The following ZNF578 variants were observed in gnomAD, a reference collection of about 807,000 sequenced individuals.
ZNF578 encodes the protein zinc finger protein 578.
Under a neutral mutation model 8.3 loss-of-function variants are expected in ZNF578, and 8 were observed. That is an observed-to-expected ratio of 0.96 (90% CI 0.56 to 1.74). The LOEUF (loss-of-function observed/expected upper bound fraction) is 1.74, where lower values mean the gene tolerates loss of function less well. Ranked by LOEUF, ZNF578 falls within the 40% of genes most tolerant of loss-of-function variation. The pLI is 0.00. For synonymous variants in ZNF578, 206 were observed against 232.2 expected (o/e 0.89, Z 1.03); for missense variants, 726 against 707.5 (o/e 1.03, Z -0.30).
chr19:52,503,583 A>T (rs1417977117), intron 4 of ZNF578, among the ~76,000 whole-genome samples: 2 of 152,052 alleles, frequency 1.3e-5, no homozygotes, highest in Non-Finnish European at 2.9e-5. Flanking sequence ...TGACCTCGTG[A>T]TCCACTCACC....
At position 52,470,719 on chromosome 19, in the gene ZNF578, C is replaced by T. The variant is rs567918291; in HGVS notation, c.-122+13761C>T. On this transcript the variant is annotated intron_variant, in intron 2 of 5. Transcript: ENST00000421239. ...TCTTTCTATGCTGGACGCTTGCTTA[C>T]ACTCCTCCTGCCCTTGGAAATCAGA... Among the ~76,000 whole-genome samples the T allele has an allele frequency of 2.0e-5, 3 of 152,296 alleles. No individual in the cohort carries two copies. The East Asian group carries it at 5.8e-4, about 29-fold the overall frequency.
chr19:52,511,437 C>G lies in ZNF578; in HGVS notation c.1056C>G (p.Phe352Leu). The G allele has an allele frequency of 6.2e-7, 1 of 1,613,976 alleles. No individual in the cohort carries two copies. The highest frequency in any genetic ancestry group is 1.1e-5 in the South Asian group (1 of 91,052). Reference sequence around the variant, plus strand: ...AGTGTAATGAATGTGGAAAGTCCTTCAGTTACAAGTCATCCCTTAGATGCC... The same window carrying G: ...AGTGTAATGAATGTGGAAAGTCCTTGAGTTACAAGTCATCCCTTAGATGCC... The part of the protein sequence containing the change: ...PYKCNECGKS[F>L]SYKSSLRCHR... The change falls in exon 6 of 6, where the codon TTC (phenylalanine) becomes TTG (leucine). Residue 352 changes from phenylalanine to leucine, a missense_variant. Physicochemically the swap from Phe to Leu is conservative, Grantham distance 22. Transcript: ENST00000421239.
intron 3 of ZNF578, among the ~76,000 whole-genome samples, chr19:52,494,806 T>G (rs1223263407): frequency 6.6e-6 from 1 of 152,066 alleles, no homozygotes; most frequent in African/African-American, 2.4e-5. Flanking sequence ...AAAAAATCAC[T>G]TTCTGTTATT....
intron 2 of ZNF578, among the ~76,000 whole-genome samples, chr19:52,472,321 A>C (rs1434066524): frequency 6.6e-6 from 1 of 152,200 alleles, no homozygotes; most frequent in Non-Finnish European, 1.5e-5. Flanking sequence ...AGAAAATTTA[A>C]ACTTTATTAC....
rs764769511 is a variant in ZNF578, at chr19:52,512,017, A to C, written c.1636A>C (p.Lys546Gln). 1.3e-5 allele frequency: 21 copies of C among 1,614,030 alleles called. No homozygotes were observed. Among genetic ancestry groups the C allele is most frequent in the Non-Finnish European group, 1.8e-5 (21 of 1,180,024 alleles). Residue 546 changes from lysine to glutamine, a missense_variant, in exon 6 of 6, where the codon AAG (lysine) becomes CAG (glutamine). Transcript: ENST00000421239. ...EKPYKCKVCDKAFMCHSYLAN... is the reference protein window; with the variant it reads ...EKPYKCKVCDQAFMCHSYLAN... ...ACCTTACAAATGTAAGGTTTGTGAC[A>C]AGGCTTTCATGTGCCATTCTTATCT...
rs1403487194 is a variant in ZNF578 at position 52,512,270 on chromosome 19, A to G, written c.*116A>G. 1 of 1,594,632 alleles carries G rather than the reference A, an allele frequency of 6.3e-7. No individual in the cohort carries two copies. Among genetic ancestry groups the G allele is most frequent in the Non-Finnish European group, 8.6e-7 (1 of 1,162,626 alleles). On this transcript the variant is annotated 3_prime_UTR_variant, in exon 6 of 6. Coordinates refer to ENST00000421239, the MANE Select transcript of ZNF578 (RefSeq NM_001099694.2). ...TACTGGAGAGAAACCTTACAAGTGT[A>G]ATGAGTGTGGCAAAGCCTTTAGTGA...
At chr19:52,508,687 G>C (rs1296202433) in intron 5 of ZNF578, among the ~76,000 whole-genome samples, 1 of 150,418 alleles carries the variant, frequency 6.6e-6, no homozygotes. Flanking sequence ...CCCAGCTACT[G>C]AGGAGGCTGA....
intron 2 of ZNF578, among the ~76,000 whole-genome samples, chr19:52,485,730 A>G (rs1458687014): frequency 6.6e-6 from 1 of 152,218 alleles, no homozygotes; most frequent in Admixed American, 6.5e-5. Context: ...ATTTAGGGCT[A>G]TGCAGGTTGT....
At chr19:52,477,011 A>G (rs2059310219) in intron 2 of ZNF578, among the ~76,000 whole-genome samples, 1 of 152,220 alleles carries the variant, frequency 6.6e-6, no homozygotes, top group Non-Finnish European at 1.5e-5. Flanking sequence ...GCAACAATTG[A>G]GCAATATATT....
chr19:52,493,125 T>C (rs1343885150), intron 3 of ZNF578, among the ~76,000 whole-genome samples: 1 of 152,122 alleles, frequency 6.6e-6, no homozygotes. Flanking sequence ...AAAACCTTTT[T>C]CTGACTCTCC....
intron 2 of ZNF578, among the ~76,000 whole-genome samples, chr19:52,462,920 C>T (rs2059263295): frequency 6.6e-6 from 1 of 152,152 alleles, no homozygotes; most frequent in Admixed American, 6.5e-5. Context: ...AAAGTCCTTC[C>T]ACCACACAGG....
chr19:52,489,185 C>T (rs2059356497), intron 2 of ZNF578, among the ~76,000 whole-genome samples: 1 of 91,218 alleles, frequency 1.1e-5, no homozygotes, highest in Non-Finnish European at 2.7e-5. Context: ...AGGAGAATCT[C>T]TTTAGGCAGG....
chr19:52,487,310 C>T (rs2059349115), intron 2 of ZNF578, among the ~76,000 whole-genome samples: 1 of 152,164 alleles, frequency 6.6e-6, no homozygotes, highest in Non-Finnish European at 1.5e-5. Context: ...GCCTGGTCAA[C>T]AGGGCGAGAG....
intron 2 of ZNF578, among the ~76,000 whole-genome samples, chr19:52,459,192 C>T (rs781074994): frequency 9.2e-5 from 14 of 152,300 alleles, no homozygotes; most frequent in Middle Eastern, 3.4e-3. Context: ...TACTGTGCAA[C>T]ATATCTAGAA....
chr19:52,482,959 A>C (rs917564838), intron 2 of ZNF578, among the ~76,000 whole-genome samples: 24 of 151,770 alleles, frequency 1.6e-4, no homozygotes, highest in Non-Finnish European at 3.2e-4. Flanking sequence ...AAAAAAAAAA[A>C]AATAGCCAAG....
At chr19:52,493,788 C>T (rs562395719) in intron 3 of ZNF578, among the ~76,000 whole-genome samples, 2 of 151,362 alleles carry the variant, frequency 1.3e-5, no homozygotes, top group Admixed American at 1.3e-4. Context: ...GTCCCGAGTT[C>T]GAGACCAGCC....
chr19:52,499,658 A>G (rs1158297465), intron 3 of ZNF578, among the ~76,000 whole-genome samples: 1 of 151,588 alleles, frequency 6.6e-6, no homozygotes, highest in African/African-American at 2.4e-5. Flanking sequence ...GTATATGTGA[A>G]AAGAGTGAGA....
At chr19:52,507,822 G>A (rs1366746328) in intron 5 of ZNF578, among the ~76,000 whole-genome samples, 2 of 150,758 alleles carry the variant, frequency 1.3e-5, no homozygotes, top group African/African-American at 4.9e-5. Context: ...GGCTGAGACA[G>A]CCAAATCACA....
In ZNF578 at chr19:52,513,973, CA is replaced by C. The variant is rs1044257123; in HGVS notation, c.*1823del. Among the ~76,000 whole-genome samples, 3 of 152,176 alleles carry C rather than the reference CA, an allele frequency of 2.0e-5. No homozygotes were observed. Among genetic ancestry groups the C allele is most frequent in the African/African-American group, 7.2e-5 (3 of 41,512 alleles). ...CTGGGAGGTAGAGGTTACAGCGAAT[CA>C]AAACCGTGCCACTGTACTGCAGCGA... On this transcript the variant is annotated 3_prime_UTR_variant, in exon 6 of 6. Transcript: ENST00000421239.
Sources: allele counts gnomAD v4.1 joint callset (sites outside exome capture counted in the v4.1 genomes callset), GRCh38; gene constraint gnomAD v4.1.1; transcripts MANE v1.5; gene names NCBI Gene and HGNC (gene_info 2026-07-23, HGNC 2026-07-21).